SRPX: variants seen among roughly 807,000 people sequenced by gnomAD.
The protein encoded by SRPX is sushi repeat-containing protein SRPX.
Under a neutral mutation model 38.1 loss-of-function variants are expected in SRPX, and 24 were observed. The ratio of observed to expected loss-of-function variants is 0.63; its 90% CI spans 0.46 to 0.89. The LOEUF (loss-of-function observed/expected upper bound fraction) is 0.89, where lower values mean the gene tolerates loss of function less well. SRPX is among the 40% of genes least tolerant of loss of function. The pLI is 0.00. For missense variants in SRPX, 416 were observed against 377.8 expected (o/e 1.10, Z -0.84); for synonymous variants, 184 against 153.8 (o/e 1.20, Z -1.45).
rs1937970512 is a variant in SRPX, at chrX:38,149,619, A to C, written c.*92T>G. ...AATAGACTTTTAAAATTACAAATAA[A>C]ATCTGTACATCAAGGATATTTTTAA... On this transcript the variant is annotated 3_prime_UTR_variant, in exon 10 of 10. Transcript: ENST00000378533. 2.4e-5 allele frequency: 21 copies of C among 858,716 alleles called. No homozygotes were observed. The highest frequency in any genetic ancestry group is 3.3e-5 in the Non-Finnish European group (21 of 634,321). 70.8% of individuals were successfully genotyped at this position (858,716 alleles called of 1,213,427 possible).
At chrX:38,170,684 G>T (rs775422420) in intron 4 of SRPX, among the ~76,000 whole-genome samples, 1 of 111,832 alleles carries the variant, frequency 8.9e-6, no homozygotes, top group East Asian at 2.8e-4. Flanking sequence ...GGTTCCAGGC[G>T]CATCTGGTCC....
chrX:38,158,272 G>T (rs1302832816), intron 7 of SRPX, among the ~76,000 whole-genome samples: 1 of 111,951 alleles, frequency 8.9e-6, no homozygotes, highest in Middle Eastern at 4.6e-3. Flanking sequence ...TTTATAATAG[G>T]TCTTCCCTTT....
At chrX:38,155,057 T>C (rs970004423) in intron 8 of SRPX, among the ~76,000 whole-genome samples, 1 of 110,417 alleles carries the variant, frequency 9.1e-6, no homozygotes, top group Non-Finnish European at 1.9e-5. Flanking sequence ...AGCTGGCTCT[T>C]GGCAAGAACC....
intron 1 of SRPX, among the ~76,000 whole-genome samples, chrX:38,179,391 T>C (rs1344098856): frequency 8.9e-6 from 1 of 112,474 alleles, no homozygotes; most frequent in Non-Finnish European, 1.9e-5. Context: ...GAGCAGTAAA[T>C]CCTTAATCCT....
intron 1 of SRPX, among the ~76,000 whole-genome samples, chrX:38,196,778 G>T (rs758597930): frequency 1.3e-4 from 15 of 112,166 alleles, no homozygotes; most frequent in Non-Finnish European, 2.4e-4. Flanking sequence ...GGTTACTTCT[G>T]GGGGCAACCT....
intron 1 of SRPX, among the ~76,000 whole-genome samples, chrX:38,196,299 A>G (rs997102683): frequency 2.7e-5 from 3 of 112,626 alleles, no homozygotes; most frequent in East Asian, 5.5e-4. Context: ...GTATTCACAG[A>G]AAGCAATTAC....
chrX:38,194,146 A>G (rs1009632248), intron 1 of SRPX, among the ~76,000 whole-genome samples: 2 of 111,591 alleles, frequency 1.8e-5, no homozygotes, highest in African/African-American at 6.5e-5. Context: ...CCAACAGCCT[A>G]TACTCTCAGT....
At position 38,208,848 on chromosome X, in the gene SRPX, CTT is replaced by C. The variant is rs776432762; in HGVS notation, c.97+11846_97+11847del. On this transcript the variant is annotated intron_variant, in intron 1 of 9. Coordinates refer to ENST00000378533, the MANE Select transcript of SRPX (RefSeq NM_006307.5). ...GAGTGCCAGCACACCTGACTAATTTCTTTTTTTTTTTTTTTTTTTTTAGAGAT... is the reference window on the plus strand; with the variant it reads ...GAGTGCCAGCACACCTGACTAATTTCTTTTTTTTTTTTTTTTTTTAGAGAT... Among the ~76,000 whole-genome samples, 26 of 79,538 alleles carry C rather than the reference CTT, an allele frequency of 3.3e-4. No individual in the cohort carries two copies. The South Asian group carries it at 6.0e-3, about 18-fold the overall frequency. 69.1% of individuals were successfully genotyped at this position (79,538 alleles called of 115,157 possible).
intron 1 of SRPX, among the ~76,000 whole-genome samples, chrX:38,194,577 A>G (rs1202402712): frequency 8.9e-6 from 1 of 112,205 alleles, no homozygotes; most frequent in African/African-American, 3.2e-5. Context: ...ATAGACAAGA[A>G]TCTTCCCAAT....
intron 1 of SRPX, among the ~76,000 whole-genome samples, chrX:38,181,245 G>C (rs1021890826): frequency 8.9e-6 from 1 of 112,258 alleles, no homozygotes; most frequent in Admixed American, 9.5e-5. Flanking sequence ...GAAAACAGGG[G>C]CAAAGAGAGA....
At chrX:38,204,567 G>A (rs1367088025) in intron 1 of SRPX, among the ~76,000 whole-genome samples, 3 of 111,907 alleles carry the variant, frequency 2.7e-5, no homozygotes, top group Admixed American at 9.5e-5. Flanking sequence ...GAAATTTCAG[G>A]AATGTTCAAT....
intron 1 of SRPX, among the ~76,000 whole-genome samples, chrX:38,210,187 T>C (rs909346699): frequency 1.2e-4 from 13 of 112,154 alleles, no homozygotes; most frequent in African/African-American, 4.2e-4. Flanking sequence ...ACCCAGCTTG[T>C]GATTCAGTAG....
chrX:38,203,609 T>A (rs1010250667), intron 1 of SRPX, among the ~76,000 whole-genome samples: 16 of 112,722 alleles, frequency 1.4e-4, no homozygotes, highest in Non-Finnish European at 1.9e-5. Flanking sequence ...TGAAACCACA[T>A]CTCTACTAAA....
At chrX:38,215,523 C>T (rs1318478137) in intron 1 of SRPX, among the ~76,000 whole-genome samples, 3 of 112,160 alleles carry the variant, frequency 2.7e-5, no homozygotes, top group African/African-American at 9.7e-5. Flanking sequence ...GATTTGACAT[C>T]CAAGAGCCTT....
chrX:38,190,160 T>A (rs971538170), intron 1 of SRPX, among the ~76,000 whole-genome samples: 1 of 112,067 alleles, frequency 8.9e-6, no homozygotes. Flanking sequence ...TAAAATAAAA[T>A]CGCCACAGTG....
In SRPX at chrX:38,166,369, T is replaced by C. The variant is rs771481663; in HGVS notation, c.527-1474A>G. Among the ~76,000 whole-genome samples the C allele has an allele frequency of 6.2e-5, 7 of 112,322 alleles. No homozygotes were observed. The South Asian group carries it at 1.1e-3, about 18-fold the overall frequency. On this transcript the variant is annotated intron_variant, in intron 4 of 9. Coordinates refer to ENST00000378533, the MANE Select transcript of SRPX (RefSeq NM_006307.5). ...TCAGTGGAGTGTGAACTTAACAGCC[T>C]TAATGCACCAATCCTAAATTGAATA...
chrX:38,196,945 A>T (rs1454745451), intron 1 of SRPX, among the ~76,000 whole-genome samples: 1 of 111,681 alleles, frequency 9.0e-6, no homozygotes, highest in Non-Finnish European at 1.9e-5. Context: ...GAGCTCCCAC[A>T]GGACTGGAGT....
At chrX:38,163,777 T>C (rs1938308436) in intron 5 of SRPX, among the ~76,000 whole-genome samples, 1 of 112,119 alleles carries the variant, frequency 8.9e-6, no homozygotes, top group Non-Finnish European at 1.9e-5. Context: ...CATCTGTAAG[T>C]GTTTGATATG....
intron 2 of SRPX, among the ~76,000 whole-genome samples, chrX:38,177,063 A>G (rs1407511905): frequency 2.7e-5 from 3 of 111,211 alleles, no homozygotes; most frequent in Admixed American, 9.6e-5. Flanking sequence ...GGCACTAGGC[A>G]ACCCCTGCTG....
Sources: allele counts gnomAD v4.1 joint callset (sites outside exome capture counted in the v4.1 genomes callset), GRCh38; gene constraint gnomAD v4.1.1; transcripts MANE v1.5; gene names NCBI Gene and HGNC (gene_info 2026-07-23, HGNC 2026-07-21).